MACROD2: variants seen among roughly 807,000 people sequenced by gnomAD.
MACROD2 encodes ADP-ribose glycohydrolase MACROD2.
In MACROD2, 36 loss-of-function variants were observed where a neutral mutation model predicts 70.4. The observed-to-expected ratio is 0.51, with a 90% CI of 0.39 to 0.68. MACROD2 has a LOEUF of 0.68. Ranked by LOEUF, MACROD2 falls within the 30% of genes least tolerant of loss-of-function variation. The pLI is 0.00. For synonymous variants in MACROD2, 172 were observed against 178.8 expected (o/e 0.96, Z 0.30); for missense variants, 496 against 538.4 (o/e 0.92, Z 0.78).
At chr20:15,231,949 G>T (rs886178404) in intron 6 of MACROD2, among the ~76,000 whole-genome samples, 1 of 152,028 alleles carries the variant, frequency 6.6e-6, no homozygotes, top group Non-Finnish European at 1.5e-5. Flanking sequence ...CAAAATGTGG[G>T]AAGAAATGTC....
chr20:14,826,866 G>A (rs2072908352), intron 5 of MACROD2, among the ~76,000 whole-genome samples: 1 of 152,116 alleles, frequency 6.6e-6, no homozygotes. Flanking sequence ...TACATTTGAG[G>A]TTAGAAAATT....
chr20:15,956,455 A>T lies in MACROD2; in HGVS notation c.908-11098A>T, dbSNP rs141656250. On this transcript the variant is annotated intron_variant, in intron 12 of 17. Coordinates refer to ENST00000684519, the MANE Select transcript of MACROD2 (RefSeq NM_001351661.2). The stretch of plus-strand genomic sequence containing the variant: ...AGCTCCCAGATTCTGTCACTCAGAG[A>T]GCTGTGCATCCCTCCTCATCACATG... Among the ~76,000 whole-genome samples the T allele has an allele frequency of 6.2e-3, 947 of 152,272 alleles. 3 individuals are homozygous for T. Among genetic ancestry groups the T allele is most frequent in the African/African-American group, 0.021 (886 of 41,536 alleles).
intron 3 of MACROD2, among the ~76,000 whole-genome samples, chr20:14,486,513 C>CTTTTTTTTTTTTTT (rs71335969): frequency 1.0e-5 from 1 of 97,064 alleles, no homozygotes; most frequent in African/African-American, 4.0e-5. Flanking sequence ...AAATAGCCAA[C>CTTTTTTTTTTTTTT]TTTTTATTTT....
chr20:15,267,417 T>G (rs2077305153), intron 6 of MACROD2, among the ~76,000 whole-genome samples: 1 of 152,174 alleles, frequency 6.6e-6, no homozygotes, highest in Non-Finnish European at 1.5e-5. Flanking sequence ...GTGCCTTGTC[T>G]ACCTTTGTGT....
intron 6 of MACROD2, among the ~76,000 whole-genome samples, chr20:15,319,999 A>G (rs947592148): frequency 6.6e-6 from 1 of 152,190 alleles, no homozygotes; most frequent in Non-Finnish European, 1.5e-5. Context: ...ACCTCAGGTC[A>G]GGAGTTCGAG....
rs1195119555 is a variant in MACROD2, at chr20:15,530,736, G to C, written c.645+30889G>C. Among the ~76,000 whole-genome samples, 5 of 123,138 alleles carry C rather than the reference G, an allele frequency of 4.1e-5. No individual in the cohort carries two copies. In the South Asian group the frequency reaches 1.5e-3, roughly 36 times the overall value. 80.8% of individuals were successfully genotyped at this position (123,138 alleles called of 152,430 possible). A position where few individuals can be genotyped will look rare whatever the true frequency, so the allele number is the denominator to read the frequency against. On this transcript the variant is annotated intron_variant, in intron 8 of 17. Coordinates refer to ENST00000684519, the MANE Select transcript of MACROD2 (RefSeq NM_001351661.2). ...TCTCACAAAAAAAAAAAAAAAAAAA[G>C]ATACTATGAACATTTTTACTTTCCA...
At chr20:15,067,857 A>G (rs1224650239) in intron 5 of MACROD2, among the ~76,000 whole-genome samples, 1 of 152,200 alleles carries the variant, frequency 6.6e-6, no homozygotes, top group African/African-American at 2.4e-5. Flanking sequence ...TATTTTACCT[A>G]ATGAGAATGT....
chr20:15,521,294 A>G (rs1292574466), intron 8 of MACROD2, among the ~76,000 whole-genome samples: 1 of 152,214 alleles, frequency 6.6e-6, no homozygotes, highest in South Asian at 2.1e-4. Context: ...CATTAATAAT[A>G]AAGACATTCT....
chr20:15,307,810 A>T (rs1389321264), intron 6 of MACROD2, among the ~76,000 whole-genome samples: 1 of 152,054 alleles, frequency 6.6e-6, no homozygotes, highest in African/African-American at 2.4e-5. Flanking sequence ...TCATTTCTTT[A>T]TAGTCTTCTA....
chr20:14,000,657 C>G (rs1180846013), intron 1 of MACROD2, among the ~76,000 whole-genome samples: 1 of 152,146 alleles, frequency 6.6e-6, no homozygotes, highest in Non-Finnish European at 1.5e-5. Flanking sequence ...AGTGAAGAAG[C>G]CAGTGTCAGT....
At chr20:15,176,998 A>T (rs993210149) in intron 5 of MACROD2, among the ~76,000 whole-genome samples, 5 of 152,118 alleles carry the variant, frequency 3.3e-5, no homozygotes, top group Non-Finnish European at 7.4e-5. Flanking sequence ...CCTTGAATGG[A>T]GCTGGCACCT....
intron 10 of MACROD2, among the ~76,000 whole-genome samples, chr20:15,906,833 T>C (rs1463574222): frequency 6.6e-6 from 1 of 152,226 alleles, no homozygotes; most frequent in African/African-American, 2.4e-5. Context: ...TGATACTGTG[T>C]TCTTCTCATG....
At chr20:14,183,223 C>G (rs953278671) in intron 3 of MACROD2, among the ~76,000 whole-genome samples, 1 of 151,590 alleles carries the variant, frequency 6.6e-6, no homozygotes, top group African/African-American at 2.4e-5. Context: ...TTGTTCCCCT[C>G]TATGGGTCCA....
Position 15,986,765 on chromosome 20 carries a change from G to C in MACROD2, c.1024G>C (p.Glu342Gln). 1 of 1,613,366 alleles carries C rather than the reference G, an allele frequency of 6.2e-7. No homozygotes were observed. Among genetic ancestry groups the C allele is most frequent in the South Asian group, 1.1e-5 (1 of 91,020 alleles). ...NDSTKNEIKI[E>Q]TESQSSYMET... ...TTCAACGAAGAATGAAATAAAAATT[G>C]AAACAGAATCGCAGAGCTCATATAT... Residue 342 changes from glutamate (E) to glutamine (Q), a missense_variant, in exon 14 of 18, where the codon GAA becomes CAA. By Grantham distance (29) the Glu-to-Gln change is conservative. Coordinates refer to ENST00000684519, the MANE Select transcript of MACROD2 (RefSeq NM_001351661.2).
intron 2 of MACROD2, among the ~76,000 whole-genome samples, chr20:14,030,894 A>C (rs1029539463): frequency 4.6e-5 from 7 of 152,188 alleles, no homozygotes; most frequent in Admixed American, 4.6e-4. Flanking sequence ...TTTGGGGAGC[A>C]AATTAAATAG....
At chr20:14,607,169 G>A (rs563431077) in intron 4 of MACROD2, among the ~76,000 whole-genome samples, 1 of 152,240 alleles carries the variant, frequency 6.6e-6, no homozygotes, top group Non-Finnish European at 1.5e-5. Context: ...GTGCAGAGAA[G>A]AGAACTCAGC....
At chr20:15,489,912 T>C (rs1668777771) in intron 7 of MACROD2, among the ~76,000 whole-genome samples, 1 of 152,166 alleles carries the variant, frequency 6.6e-6, no homozygotes, top group African/African-American at 2.4e-5. Context: ...GGAGATATTA[T>C]ATACATTTTG....
At chr20:14,241,749 G>A (rs2081931418) in intron 3 of MACROD2, among the ~76,000 whole-genome samples, 1 of 152,036 alleles carries the variant, frequency 6.6e-6, no homozygotes, top group African/African-American at 2.4e-5. Context: ...TCCTTACAAG[G>A]AGGGGCCCTG....
chr20:14,878,450 C>T (rs1013262235), intron 5 of MACROD2, among the ~76,000 whole-genome samples: 59 of 151,878 alleles, frequency 3.9e-4, no homozygotes, highest in African/African-American at 1.1e-3. Context: ...TATTGTTTGA[C>T]GTCAGATGCC....
Sources: allele counts gnomAD v4.1 joint callset (sites outside exome capture counted in the v4.1 genomes callset), GRCh38; gene constraint gnomAD v4.1.1; transcripts MANE v1.5; gene names NCBI Gene and HGNC (gene_info 2026-07-23, HGNC 2026-07-21).